The following SCAP variants were observed in gnomAD, a reference collection of about 807,000 sequenced individuals.
SCAP encodes sterol regulatory element-binding protein cleavage-activating protein.
A neutral mutation model predicts 123.6 loss-of-function variants in SCAP; 65 were observed. The observed-to-expected ratio is 0.53, with a 90% CI of 0.43 to 0.65. SCAP has a LOEUF of 0.65. Ranked by LOEUF, SCAP falls within the 30% of genes least tolerant of loss-of-function variation. SCAP has a pLI of 0.00. For synonymous variants in SCAP, 740 were observed against 726.3 expected, an observed-to-expected ratio of 1.02 and a Z score of -0.30; for missense variants, 1,398 against 1,712.5, an observed-to-expected ratio of 0.82 and a Z score of 3.24.
chr3:47,421,425 C>T (rs1705895649), intron 10 of SCAP: 1 of 187,426 alleles, frequency 5.3e-6, no homozygotes, highest in East Asian at 1.4e-4. Flanking sequence ...GAGCCCAGGC[C>T]TGATTCAGGG....
rs2107735229 is a variant in SCAP, at chr3:47,413,862, G to A, written c.3832C>T (p.Leu1278=). The A allele has an allele frequency of 6.2e-7, 1 of 1,612,680 alleles. No homozygotes were observed. The part of the protein sequence containing the change: ...LVYVPSVLEK[L]D ...GCAAGGAGGCCCTGCGCTCAGTCCA[G>A]CTTCTCCAGCACAGAGGGCACATAC... The change falls in exon 23 of 23, where the codon CTG becomes TTG. Residue 1278 remains leucine, a synonymous_variant. Coordinates refer to ENST00000265565, the MANE Select transcript of SCAP (RefSeq NM_012235.4).
upstream of SCAP, among the ~76,000 whole-genome samples, chr3:47,476,732 G>A (rs980995707): frequency 2.0e-5 from 3 of 152,128 alleles, no homozygotes; most frequent in Non-Finnish European, 4.4e-5. Flanking sequence ...CTCACAGAAG[G>A]GGAAGGGGAG....
intron 1 of SCAP, among the ~76,000 whole-genome samples, chr3:47,456,343 T>C (rs1707423873): frequency 6.6e-6 from 1 of 152,078 alleles, no homozygotes; most frequent in Admixed American, 6.6e-5. Flanking sequence ...GTCCAGGCTG[T>C]AGTGAGCCAT....
At position 47,420,807 on chromosome 3, in the gene SCAP, C is replaced by T. The variant is rs1333029601; in HGVS notation, c.1345-35G>A. ...GCACAGTGGTCAGGGCCTGAGTCCA[C>T]CATCCAGAGGCTGCTCGCACAGGAC... is the stretch of plus-strand genomic sequence containing the variant. On this transcript the variant is annotated intron_variant, in intron 11 of 22. Coordinates refer to ENST00000265565, the MANE Select transcript of SCAP (RefSeq NM_012235.4). The surrounding 1 kb of genome is among the most constrained non-coding windows in gnomAD (Gnocchi z 5.0). The T allele has an allele frequency of 6.2e-7, 1 of 1,602,770 alleles. No homozygotes were observed. Among genetic ancestry groups the T allele is most frequent in the African/African-American group, 1.3e-5 (1 of 74,688 alleles).
chr3:47,468,385 T>G (rs1040640074), intron 1 of SCAP, among the ~76,000 whole-genome samples: 3 of 152,140 alleles, frequency 2.0e-5, no homozygotes, highest in Admixed American at 2.0e-4. Flanking sequence ...GCACCTGTTG[T>G]TTCCTGACTT....
intron 2 of SCAP, among the ~76,000 whole-genome samples, chr3:47,441,431 A>G (rs1013194913): frequency 9.9e-5 from 15 of 152,080 alleles, no homozygotes; most frequent in Admixed American, 9.2e-4. Flanking sequence ...TTGTGCCACT[A>G]CATTCCAGCC....
intron 8 of SCAP, among the ~76,000 whole-genome samples, chr3:47,425,070 GTTCTC>G (rs951112124): frequency 7.2e-5 from 11 of 152,060 alleles, no homozygotes; most frequent in African/African-American, 2.4e-4. Context: ...AAAAAAAAAT[GTTCTC>G]TTCTCTATCT....
intron 1 of SCAP, among the ~76,000 whole-genome samples, chr3:47,461,038 C>A (rs907967399): frequency 1.3e-5 from 2 of 152,118 alleles, no homozygotes; most frequent in African/African-American, 4.8e-5. Context: ...ACTTCACCGG[C>A]CCCTTCCACC....
At chr3:47,457,109 G>C (rs942920240) in intron 1 of SCAP, among the ~76,000 whole-genome samples, 1 of 152,166 alleles carries the variant, frequency 6.6e-6, no homozygotes, top group Non-Finnish European at 1.5e-5. Context: ...TCATGTAAGA[G>C]AACAGAAGTC....
chr3:47,454,330 T>C (rs1707334074), intron 1 of SCAP, among the ~76,000 whole-genome samples: 1 of 151,480 alleles, frequency 6.6e-6, no homozygotes, highest in Admixed American at 6.6e-5. Context: ...ATCACGCCAC[T>C]GCACTCCCAT....
rs1366254729 is a variant in SCAP, at chr3:47,466,138, A to C, written c.-99+9661T>G. ...CAGAGTGAGACTGTCTTAAAAACCA[A>C]AAAAAAAAAAAAAAAAAAAGAAAGA... On this transcript the variant is annotated intron_variant, in intron 1 of 22. Coordinates refer to ENST00000265565, the MANE Select transcript of SCAP (RefSeq NM_012235.4). 1.3e-3 allele frequency among the ~76,000 whole-genome samples: 195 copies of C among 146,576 alleles called. 1 individual carries two copies. Among genetic ancestry groups the C allele is most frequent in the African/African-American group, 4.3e-3 (173 of 40,240 alleles).
chr3:47,463,539 T>C (rs1707722855), intron 1 of SCAP, among the ~76,000 whole-genome samples: 3 of 151,996 alleles, frequency 2.0e-5, no homozygotes, highest in Admixed American at 2.0e-4. Flanking sequence ...TTGTGTCTAC[T>C]AAAAATACAA....
intron 2 of SCAP, among the ~76,000 whole-genome samples, chr3:47,441,757 ATC>A (rs1370116016): frequency 6.6e-6 from 1 of 151,908 alleles, no homozygotes; most frequent in Non-Finnish European, 1.5e-5. Flanking sequence ...GACCAGACAA[ATC>A]TCTAAGTCCC....
intron 2 of SCAP, among the ~76,000 whole-genome samples, chr3:47,438,025 T>G (rs1327148917): frequency 6.6e-6 from 1 of 152,202 alleles, no homozygotes; most frequent in Non-Finnish European, 1.5e-5. Flanking sequence ...CTCTTGATAC[T>G]GTCAGTCCAA....
intron 2 of SCAP, among the ~76,000 whole-genome samples, chr3:47,440,641 C>T (rs959677477): frequency 2.0e-5 from 3 of 152,110 alleles, no homozygotes; most frequent in East Asian, 1.9e-4. Context: ...GAAGCCAAGG[C>T]GAGGGGATCA....
chr3:47,468,668 T>C (rs1576319428), intron 1 of SCAP, among the ~76,000 whole-genome samples: 2 of 152,374 alleles, frequency 1.3e-5, no homozygotes, highest in East Asian at 1.9e-4. Flanking sequence ...ACTCTGTAGG[T>C]TGCCTGTTCA....
chr3:47,414,084 C>T lies in SCAP; in HGVS notation c.3610G>A (p.Ala1204Thr). The T allele has an allele frequency of 2.5e-6, 4 of 1,613,416 alleles. No individual in the cohort carries two copies. Among genetic ancestry groups the T allele is most frequent in the Non-Finnish European group, 3.4e-6 (4 of 1,180,028 alleles). Residue 1204 changes from alanine to threonine, a missense_variant, in exon 23 of 23, where the codon GCA becomes ACA. Coordinates refer to ENST00000265565, the MANE Select transcript of SCAP (RefSeq NM_012235.4). Reference sequence around the variant, plus strand: ...TTGTCTGAGATGACACCCAAGCTTGCACCACAGCCCAGGTCCTGGAGGCAA... The same window carrying T: ...TTGTCTGAGATGACACCCAAGCTTGTACCACAGCCCAGGTCCTGGAGGCAA... ...YSIQQDLGCGASLGVISDNLL... is the reference protein window; with the variant it reads ...YSIQQDLGCGTSLGVISDNLL...
At chr3:47,433,725 G>T (rs1277430020) in intron 3 of SCAP, among the ~76,000 whole-genome samples, 5 of 152,062 alleles carry the variant, frequency 3.3e-5, no homozygotes, top group Non-Finnish European at 7.4e-5. Context: ...AAATTAGCCG[G>T]GTGTGGTGGC....
chr3:47,476,157 A>G (rs1488462613), upstream of SCAP: 1 of 152,176 alleles, frequency 6.6e-6, no homozygotes, highest in African/African-American at 2.4e-5. Flanking sequence ...ACCGGCTCTC[A>G]TCGGTCATCA....
Sources: allele counts gnomAD v4.1 joint callset (sites outside exome capture counted in the v4.1 genomes callset), GRCh38; gene constraint gnomAD v4.1.1; non-coding constraint Gnocchi (gnomAD v3.1); transcripts MANE v1.5; gene names NCBI Gene and HGNC (gene_info 2026-07-23, HGNC 2026-07-21).